Variants in PXDNL observed in about 807,000 individuals in gnomAD.
PXDNL encodes the protein peroxidasin like, also known as probable oxidoreductase PXDNL.
Under a neutral mutation model 150.8 loss-of-function variants are expected in PXDNL, and 145 were observed. The ratio of observed to expected loss-of-function variants is 0.96; its 90% CI spans 0.84 to 1.10. The LOEUF is 1.10. Ranked by LOEUF, PXDNL falls within the 50% of genes least tolerant of loss-of-function variation. PXDNL has a pLI of 0.00. For missense variants in PXDNL, 2,087 were observed against 1,873.9 expected, an observed-to-expected ratio of 1.11 and a Z score of -2.10; for synonymous variants, 757 against 725.7, an observed-to-expected ratio of 1.04 and a Z score of -0.69.
At chr8:51,631,209 T>A (rs1481915121) in intron 2 of PXDNL, among the ~76,000 whole-genome samples, 1 of 152,076 alleles carries the variant, frequency 6.6e-6, no homozygotes, top group Non-Finnish European at 1.5e-5. Flanking sequence ...ATGTTCTTAC[T>A]TATAAGTGGA....
chr8:51,653,288 G>A (rs1300226241), intron 2 of PXDNL, among the ~76,000 whole-genome samples: 1 of 152,116 alleles, frequency 6.6e-6, no homozygotes, highest in Non-Finnish European at 1.5e-5. Flanking sequence ...CATGGTGGCA[G>A]ACACCTGTAA....
At chr8:51,789,479 A>T (rs2037491096) in intron 1 of PXDNL, among the ~76,000 whole-genome samples, 1 of 152,158 alleles carries the variant, frequency 6.6e-6, no homozygotes. Flanking sequence ...TATAGTCTTC[A>T]TTATATAGAG....
At chr8:51,405,332 G>A (rs373155167) in intron 17 of PXDNL, among the ~76,000 whole-genome samples, 4 of 152,294 alleles carry the variant, frequency 2.6e-5, no homozygotes, top group Non-Finnish European at 4.4e-5. Flanking sequence ...CCAGCATGCC[G>A]TCACCTCTCA....
At chr8:51,502,773 T>C (rs1320369228) in intron 4 of PXDNL, among the ~76,000 whole-genome samples, 2 of 152,124 alleles carry the variant, frequency 1.3e-5, no homozygotes, top group Non-Finnish European at 2.9e-5. Flanking sequence ...CCTGCCATCA[T>C]TGATCAAATG....
Position 51,705,803 on chromosome 8 carries a change from AAC to A in PXDNL, c.165-51045_165-51044del, listed in dbSNP as rs557662182. Among the ~76,000 whole-genome samples, 528 of 140,830 alleles carry A rather than the reference AAC, an allele frequency of 3.7e-3. 2 individuals carry two copies. Among genetic ancestry groups the A allele is most frequent in the African/African-American group, 0.014 (512 of 35,902 alleles). The allele number at this position is 140,830 out of a possible 152,430, so 92.4% of individuals were successfully genotyped here. On this transcript the variant is annotated intron_variant, in intron 1 of 22. Transcript: ENST00000356297. ...AGTTCAGACAAACCCTCCTGGTGAA[AAC>A]ACTGTGTGTGTGTGTGTGTGTGTGT...
At chr8:51,631,042 A>G (rs1019772450) in intron 2 of PXDNL, among the ~76,000 whole-genome samples, 2 of 152,184 alleles carry the variant, frequency 1.3e-5, no homozygotes, top group African/African-American at 4.8e-5. Flanking sequence ...AAAGGCCATC[A>G]ACGGTAAACT....
intron 4 of PXDNL, among the ~76,000 whole-genome samples, chr8:51,554,935 T>C (rs1376015918): frequency 6.6e-6 from 1 of 152,232 alleles, no homozygotes; most frequent in Non-Finnish European, 1.5e-5. Flanking sequence ...TTTTCTATCC[T>C]GGTTCTCCAG....
At chr8:51,617,760 T>C (rs1168297811) in intron 2 of PXDNL, among the ~76,000 whole-genome samples, 1 of 152,206 alleles carries the variant, frequency 6.6e-6, no homozygotes, top group Non-Finnish European at 1.5e-5. Flanking sequence ...CACAGTAATT[T>C]AAAAACACAA....
At chr8:51,798,947 G>A (rs1002027765) in intron 1 of PXDNL, among the ~76,000 whole-genome samples, 8 of 152,036 alleles carry the variant, frequency 5.3e-5, no homozygotes, top group African/African-American at 1.9e-4. Flanking sequence ...AAAGATACAT[G>A]CACACATATC....
At chr8:51,383,997 TG>T (rs985133774) in intron 17 of PXDNL, among the ~76,000 whole-genome samples, 1 of 152,208 alleles carries the variant, frequency 6.6e-6, no homozygotes, top group African/African-American at 2.4e-5. Flanking sequence ...CAGCAATGTA[TG>T]GTGTTAATGA....
intron 14 of PXDNL, among the ~76,000 whole-genome samples, chr8:51,420,749 G>A (rs1272902459): frequency 6.6e-6 from 1 of 152,104 alleles, no homozygotes; most frequent in Non-Finnish European, 1.5e-5. Context: ...GGAGTGCAGT[G>A]GTGTGATCTT....
At position 51,327,384 on chromosome 8, in the gene PXDNL, G is replaced by C. The variant is rs140401791; in HGVS notation, c.4147-6487C>G. Among the ~76,000 whole-genome samples the C allele has an allele frequency of 5.3e-5, 8 of 152,346 alleles. No individual in the cohort carries two copies. In the East Asian group the frequency reaches 1.4e-3, roughly 26 times the overall value. ...TGATGGCCCTGATACAATCATGTAAGTGTCTTTTCACTGGGAGCTGTACGG... is the reference window on the plus strand; with the variant it reads ...TGATGGCCCTGATACAATCATGTAACTGTCTTTTCACTGGGAGCTGTACGG... On this transcript the variant is annotated intron_variant, in intron 21 of 22. Coordinates refer to ENST00000356297, the MANE Select transcript of PXDNL (RefSeq NM_144651.5).
At chr8:51,403,299 T>C (rs538446976) in intron 17 of PXDNL, among the ~76,000 whole-genome samples, 1 of 152,332 alleles carries the variant, frequency 6.6e-6, no homozygotes. Flanking sequence ...AGGATATTTG[T>C]ACATGTCACA....
At chr8:51,325,794 G>A (rs1418689329) in intron 21 of PXDNL, among the ~76,000 whole-genome samples, 4 of 152,180 alleles carry the variant, frequency 2.6e-5, no homozygotes, top group African/African-American at 9.7e-5. Flanking sequence ...GCCTCAAGGT[G>A]TCCTTAGGTG....
rs753627026 is a variant in PXDNL, at chr8:51,447,084, T to C, written c.1445A>G (p.Asp482Gly). 4 of 1,613,812 alleles carry C rather than the reference T, an allele frequency of 2.5e-6. No individual in the cohort carries two copies. The highest frequency in any genetic ancestry group is 3.4e-6 in the Non-Finnish European group (4 of 1,179,840). Residue 482 changes from aspartate (D) to glycine (G), a missense_variant, in exon 12 of 23, where the codon GAT becomes GGT. Asp to Gly is a moderately conservative substitution (Grantham distance 94, BLOSUM62 -1). Coordinates refer to ENST00000356297, the MANE Select transcript of PXDNL (RefSeq NM_144651.5). The part of the protein sequence containing the change: ...TLRIDRAAQH[D>G]QGQYECQAVS... ...TGCTTGACATTCATATTGGCCTTGA[T>C]CGTGCTGTGCTGCACGGTCAATTCT... is the stretch of plus-strand genomic sequence containing the variant.
intron 2 of PXDNL, among the ~76,000 whole-genome samples, chr8:51,607,895 AGGTGG>A (rs1563481481): frequency 3.4e-4 from 28 of 82,868 alleles, no homozygotes; most frequent in African/African-American, 1.1e-3. Flanking sequence ...GAAGGAAGGA[AGGTGG>A]GGAGGGAGGG....
chr8:51,397,046 T>C (rs1808104920), intron 17 of PXDNL, among the ~76,000 whole-genome samples: 1 of 152,220 alleles, frequency 6.6e-6, no homozygotes, highest in Admixed American at 6.5e-5. Flanking sequence ...AATGAACCCA[T>C]ATATACATTA....
chr8:51,379,750 T>G (rs1807473121), intron 17 of PXDNL, among the ~76,000 whole-genome samples: 1 of 152,196 alleles, frequency 6.6e-6, no homozygotes, highest in African/African-American at 2.4e-5. Context: ...GCCATAGAGA[T>G]ATTCTCTTTT....
At chr8:51,529,156 C>A (rs1280166316) in intron 4 of PXDNL, among the ~76,000 whole-genome samples, 1 of 152,162 alleles carries the variant, frequency 6.6e-6, no homozygotes, top group Non-Finnish European at 1.5e-5. Flanking sequence ...TGTATATACA[C>A]AAGCAAGATG....
Sources: allele counts gnomAD v4.1 joint callset (sites outside exome capture counted in the v4.1 genomes callset), GRCh38; gene constraint gnomAD v4.1.1; transcripts MANE v1.5; gene names NCBI Gene and HGNC (gene_info 2026-07-23, HGNC 2026-07-21).